ACSS3: variants seen among roughly 807,000 people sequenced by gnomAD.
ACSS3 encodes the protein acyl-CoA synthetase short-chain family member 3, mitochondrial.
In ACSS3, 64 loss-of-function variants were observed where a neutral mutation model predicts 84.2. That is an observed-to-expected ratio of 0.76 (90% CI 0.62 to 0.94). ACSS3 has a LOEUF of 0.94. Ranked by LOEUF, ACSS3 falls within the 40% of genes least tolerant of loss-of-function variation. The pLI, the probability that ACSS3 is intolerant of heterozygous loss-of-function variation, is 0.00. For missense variants in ACSS3, 815 were observed against 867.6 expected, an observed-to-expected ratio of 0.94 and a Z score of 0.76; for synonymous variants, 317 against 310.1, an observed-to-expected ratio of 1.02 and a Z score of -0.23.
intron 13 of ACSS3, among the ~76,000 whole-genome samples, chr12:81,247,052 G>A (rs1360028112): frequency 9.8e-6 from 1 of 102,328 alleles, no homozygotes; most frequent in Non-Finnish European, 2.5e-5. Flanking sequence ...TTGAGTAAAA[G>A]GAAGGAACTT....
chr12:81,129,380 T>C (rs1255805810), intron 2 of ACSS3, among the ~76,000 whole-genome samples: 1 of 152,124 alleles, frequency 6.6e-6, no homozygotes, highest in Non-Finnish European at 1.5e-5. Context: ...AATAGTGAGT[T>C]CTATGGCAAA....
At chr12:81,088,913 T>A (rs1881493556) in intron 1 of ACSS3, among the ~76,000 whole-genome samples, 1 of 152,006 alleles carries the variant, frequency 6.6e-6, no homozygotes, top group Non-Finnish European at 1.5e-5. Flanking sequence ...AGCTGTTCTT[T>A]GAAAAAATAA....
intron 9 of ACSS3, among the ~76,000 whole-genome samples, chr12:81,216,120 A>G (rs2135941215): frequency 6.6e-6 from 1 of 151,322 alleles, no homozygotes; most frequent in Non-Finnish European, 1.5e-5. Flanking sequence ...TTATCCATAT[A>G]TATTATATAT....
At chr12:81,213,901 T>TCCTTCCTTCCTTCC (rs1565724047) in intron 9 of ACSS3, among the ~76,000 whole-genome samples, 7 of 72,442 alleles carry the variant, frequency 9.7e-5, no homozygotes, top group East Asian at 4.4e-4. Context: ...TTCTTTCTTT[T>TCCTTCCTTCCTTCC]GTCCTTCCTT....
intron 9 of ACSS3, among the ~76,000 whole-genome samples, chr12:81,203,837 A>G (rs557331230): frequency 3.8e-4 from 58 of 152,362 alleles, no homozygotes; most frequent in Non-Finnish European, 6.6e-4. Flanking sequence ...TAACTCATCC[A>G]TAAAAAGATT....
intron 1 of ACSS3, among the ~76,000 whole-genome samples, chr12:81,085,919 T>C (rs943949297): frequency 3.3e-5 from 5 of 152,056 alleles, no homozygotes; most frequent in Non-Finnish European, 7.4e-5. Flanking sequence ...TGTCAGTAAA[T>C]GTTTCAAAGG....
At position 81,134,800 on chromosome 12, in the gene ACSS3, A is replaced by G. The variant is rs1237878524; in HGVS notation, c.457-16A>G. ...AATACAAAATACACTTTACTGATTT[A>G]ATGGTCTTGGCATAGGTCTCCAAGC... On this transcript the variant is annotated splice_polypyrimidine_tract_variant and intron_variant, in intron 2 of 15. Coordinates refer to ENST00000548058, the MANE Select transcript of ACSS3 (RefSeq NM_024560.4). 2 of 1,503,986 alleles carry G rather than the reference A, an allele frequency of 1.3e-6. No homozygotes were observed. The highest frequency in any genetic ancestry group is 1.8e-6 in the Non-Finnish European group (2 of 1,116,456). The allele number at this position is 1,503,986 out of a possible 1,614,324, so 93.2% of individuals were successfully genotyped here.
intron 8 of ACSS3, among the ~76,000 whole-genome samples, chr12:81,187,092 T>G (rs577038471): frequency 6.6e-6 from 1 of 151,904 alleles, no homozygotes; most frequent in Non-Finnish European, 1.5e-5. Flanking sequence ...CGTTGTTAAA[T>G]AGGTCAGACA....
chr12:81,157,170 A>G (rs1886918050), intron 7 of ACSS3, among the ~76,000 whole-genome samples: 2 of 152,204 alleles, frequency 1.3e-5, no homozygotes, highest in South Asian at 4.1e-4. Flanking sequence ...GACCAAGTGG[A>G]ATTTATTCCA....
chr12:81,085,859 C>T (rs186017413), intron 1 of ACSS3, among the ~76,000 whole-genome samples: 1 of 152,146 alleles, frequency 6.6e-6, no homozygotes, highest in East Asian at 1.9e-4. Context: ...GAAGAATGTC[C>T]TTATTTATAA....
chr12:81,108,360 C>A (rs1883270266), intron 1 of ACSS3, among the ~76,000 whole-genome samples: 1 of 151,796 alleles, frequency 6.6e-6, no homozygotes. Flanking sequence ...CTCACTGCAA[C>A]CTCCACCTCC....
chr12:81,192,215 A>T (rs2031604025), intron 8 of ACSS3, among the ~76,000 whole-genome samples: 1 of 151,974 alleles, frequency 6.6e-6, no homozygotes, highest in Non-Finnish European at 1.5e-5. Context: ...CCCCATCTCT[A>T]CTAAAAATAC....
chr12:81,220,110 G>A (rs372305193), intron 11 of ACSS3, 34 bp downstream of exon 11: 4 of 1,370,758 alleles, frequency 2.9e-6, no homozygotes, highest in African/African-American at 3.0e-5. Flanking sequence ...TATATTAAAG[G>A]GCAAAAACTG....
chr12:81,237,604 C>G (rs2033669711), intron 13 of ACSS3, among the ~76,000 whole-genome samples: 1 of 151,498 alleles, frequency 6.6e-6, no homozygotes, highest in South Asian at 2.1e-4. Flanking sequence ...TTTAAATCTT[C>G]TGCATTTCTG....
At chr12:81,140,148 T>A (rs1360392195) in intron 4 of ACSS3, among the ~76,000 whole-genome samples, 1 of 152,212 alleles carries the variant, frequency 6.6e-6, no homozygotes, top group Non-Finnish European at 1.5e-5. Context: ...TGCAATTGTC[T>A]TCTTAAAATT....
At chr12:81,251,708 T>C (rs1862462510) in intron 13 of ACSS3, among the ~76,000 whole-genome samples, 1 of 147,490 alleles carries the variant, frequency 6.8e-6, no homozygotes, top group Admixed American at 6.8e-5. Flanking sequence ...CCAGCCATGG[T>C]GGTGTGCACC....
chr12:81,126,321 T>A (rs1463752442), intron 2 of ACSS3, among the ~76,000 whole-genome samples: 1 of 152,238 alleles, frequency 6.6e-6, no homozygotes, highest in East Asian at 1.9e-4. Context: ...TGGTAAAAAG[T>A]GGATGCAATC....
At position 81,099,014 on chromosome 12, in the gene ACSS3, T is replaced by A. The variant is rs576282245; in HGVS notation, c.312-10546T>A. On this transcript the variant is annotated intron_variant, in intron 1 of 15. Coordinates refer to ENST00000548058, the MANE Select transcript of ACSS3 (RefSeq NM_024560.4). ...GTCTCTGGTCCAATCAATAGAAAAT[T>A]ATTATGAAATGTATTAAATAGAAAC... 2.6e-4 allele frequency among the ~76,000 whole-genome samples: 39 copies of A among 152,324 alleles called. No homozygotes were observed. The South Asian group carries it at 7.0e-3, about 28-fold the overall frequency.
chr12:81,119,115 C>T (rs7305347), intron 2 of ACSS3, among the ~76,000 whole-genome samples: 53,392 of 151,918 alleles, frequency 0.35, 11,874 homozygotes, highest in Non-Finnish European at 0.5. Flanking sequence ...CATCACATAG[C>T]GGTAGGACTG....
Sources: gnomAD v4.1 joint callset for allele counts (sites outside exome capture counted in the v4.1 genomes callset) on GRCh38, gnomAD v4.1.1 for gene constraint, MANE v1.5 for transcripts, NCBI Gene and HGNC (gene_info 2026-07-23, HGNC 2026-07-21) for gene names.